Variants in GAP43 observed in about 807,000 individuals in gnomAD.
GAP43 encodes the protein neuromodulin.
In GAP43, 6 loss-of-function variants were observed where a neutral mutation model predicts 18.6. The observed-to-expected ratio is 0.32, with a 90% CI of 0.18 to 0.64. The LOEUF (loss-of-function observed/expected upper bound fraction) is 0.64, where lower values mean the gene tolerates loss of function less well. Ranked by LOEUF, GAP43 falls within the 30% of genes least tolerant of loss-of-function variation. The pLI, the probability that GAP43 is intolerant of heterozygous loss-of-function variation, is 0.78. For missense variants in GAP43, 292 were observed against 295.5 expected (o/e 0.99, Z 0.09); for synonymous variants, 115 against 111.4 (o/e 1.03, Z -0.20).
At chr3:115,630,225 C>A (rs1023762231) in intron 1 of GAP43, among the ~76,000 whole-genome samples, 1 of 152,086 alleles carries the variant, frequency 6.6e-6, no homozygotes, top group East Asian at 1.9e-4. Flanking sequence ...ATATTTTTTT[C>A]TTTAAATGCA....
rs531008522 is a variant in GAP43, at chr3:115,716,192, A to C, written c.629-4602A>C. ...GTAAGAAAATGTAGATATAAACTAA[A>C]CAGTCGACATTATTTATCACTGCAA... On this transcript the variant is annotated intron_variant, in intron 2 of 2. Transcript: ENST00000305124. 3.9e-5 allele frequency among the ~76,000 whole-genome samples: 6 copies of C among 152,306 alleles called. No homozygotes were observed. The East Asian group carries it at 1.2e-3, about 29-fold the overall frequency.
At chr3:115,679,107 C>T (rs974443780) in intron 2 of GAP43, among the ~76,000 whole-genome samples, 25 of 151,906 alleles carry the variant, frequency 1.6e-4, no homozygotes, top group African/African-American at 4.8e-4. Flanking sequence ...CTGTACTGTT[C>T]GGAAATGGGT....
intron 2 of GAP43, among the ~76,000 whole-genome samples, chr3:115,715,221 T>G (rs1157982776): frequency 6.6e-6 from 1 of 152,232 alleles, no homozygotes; most frequent in Non-Finnish European, 1.5e-5. Flanking sequence ...GTTTTTCCTG[T>G]AATGTCTTAA....
chr3:115,689,135 C>T (rs1015734610), intron 2 of GAP43, among the ~76,000 whole-genome samples: 3 of 152,218 alleles, frequency 2.0e-5, no homozygotes, highest in Non-Finnish European at 4.4e-5. Flanking sequence ...TTGAATGTCC[C>T]TTACTCAGAC....
At chr3:115,673,411 C>T (rs775899847) in intron 1 of GAP43, among the ~76,000 whole-genome samples, 1 of 152,156 alleles carries the variant, frequency 6.6e-6, no homozygotes, top group Non-Finnish European at 1.5e-5. Flanking sequence ...AAAATGTTAG[C>T]TTTCTTGAGT....
At chr3:115,626,955 T>C (rs1167050963) in intron 1 of GAP43, among the ~76,000 whole-genome samples, 2 of 151,894 alleles carry the variant, frequency 1.3e-5, no homozygotes, top group Non-Finnish European at 2.9e-5. Flanking sequence ...CTCCCAAATC[T>C]CTCTGAGCCA....
chr3:115,708,481 TG>T (rs1709392957), intron 2 of GAP43, among the ~76,000 whole-genome samples: 1 of 152,230 alleles, frequency 6.6e-6, no homozygotes, highest in Admixed American at 6.5e-5. Context: ...AGGGAATTCT[TG>T]TGCATATAAT....
At chr3:115,694,572 A>C (rs1003331064) in intron 2 of GAP43, among the ~76,000 whole-genome samples, 2 of 152,202 alleles carry the variant, frequency 1.3e-5, no homozygotes, top group African/African-American at 4.8e-5. Flanking sequence ...TTTAAGCTTC[A>C]CAATGATCCT....
chr3:115,708,306 G>A (rs1435010275), intron 2 of GAP43, among the ~76,000 whole-genome samples: 1 of 152,182 alleles, frequency 6.6e-6, no homozygotes, highest in Non-Finnish European at 1.5e-5. Context: ...AAATGTAGTT[G>A]AGCTGGGTCA....
At chr3:115,696,590 C>CCCCCA (rs1228543478) in intron 2 of GAP43, among the ~76,000 whole-genome samples, 2 of 129,146 alleles carry the variant, frequency 1.5e-5, no homozygotes, top group African/African-American at 6.0e-5. Flanking sequence ...CCCCCCCCCC[C>CCCCCA]ACAAACAGGT....
At chr3:115,655,668 G>A (rs1038859975) in intron 1 of GAP43, among the ~76,000 whole-genome samples, 2 of 152,104 alleles carry the variant, frequency 1.3e-5, no homozygotes, top group African/African-American at 2.4e-5. Context: ...CTTTGCATAA[G>A]ACCAATATAT....
intron 2 of GAP43, among the ~76,000 whole-genome samples, chr3:115,679,593 C>T (rs563971124): frequency 6.6e-6 from 1 of 152,284 alleles, no homozygotes; most frequent in African/African-American, 2.4e-5. Flanking sequence ...GAGTAGAGAA[C>T]TTTGAAGCCC....
intron 1 of GAP43, among the ~76,000 whole-genome samples, chr3:115,634,873 T>G (rs1708309123): frequency 6.6e-6 from 1 of 152,174 alleles, no homozygotes; most frequent in African/African-American, 2.4e-5. Context: ...GTAGCCCACT[T>G]TGGTTGTCCA....
rs538027125 is a variant in GAP43 at position 115,644,354 on chromosome 3, A to T, written c.30+20635A>T. Among the ~76,000 whole-genome samples the T allele has an allele frequency of 6.6e-5, 10 of 152,036 alleles. No homozygotes were observed. The highest frequency in any genetic ancestry group is 1.3e-4 in the Non-Finnish European group (9 of 67,960). The stretch of plus-strand genomic sequence containing the variant: ...CTGATAGTTTTTGGACAGGACTATC[A>T]GGGTGATGAATGGGTGAGAGTGGGA... On this transcript the variant is annotated intron_variant, in intron 1 of 2. Transcript: ENST00000305124. The surrounding 1 kb of genome is among the most constrained non-coding windows in gnomAD (Gnocchi z 4.2).
intron 2 of GAP43, among the ~76,000 whole-genome samples, chr3:115,686,565 T>C (rs1709036094): frequency 6.6e-6 from 1 of 152,172 alleles, no homozygotes; most frequent in African/African-American, 2.4e-5. Context: ...TATGAGGTTA[T>C]AATAAAATGG....
intron 1 of GAP43, among the ~76,000 whole-genome samples, chr3:115,630,739 G>T (rs1020243089): frequency 2.6e-5 from 4 of 152,122 alleles, no homozygotes; most frequent in Admixed American, 1.3e-4. Flanking sequence ...TTCTCCTCCT[G>T]TCAGACCCAG....
chr3:115,706,044 A>G (rs543943271), intron 2 of GAP43, among the ~76,000 whole-genome samples: 1 of 152,234 alleles, frequency 6.6e-6, no homozygotes, highest in African/African-American at 2.4e-5. Context: ...CCTATTTGAG[A>G]ACGCCCAGAA....
chr3:115,696,721 T>A (rs1485772684), intron 2 of GAP43, among the ~76,000 whole-genome samples: 1 of 151,978 alleles, frequency 6.6e-6, no homozygotes, highest in Non-Finnish European at 1.5e-5. Context: ...TATCACCTTC[T>A]CAAAGCAACT....
intron 1 of GAP43, among the ~76,000 whole-genome samples, chr3:115,634,645 C>CT (rs1196672783): frequency 1.3e-5 from 2 of 151,996 alleles, no homozygotes; most frequent in African/African-American, 4.8e-5. Flanking sequence ...TGGTACATAC[C>CT]TGTAGTCCCA....
Sources: allele counts gnomAD v4.1 joint callset (sites outside exome capture counted in the v4.1 genomes callset), GRCh38; gene constraint gnomAD v4.1.1; non-coding constraint Gnocchi (gnomAD v3.1); transcripts MANE v1.5; gene names NCBI Gene and HGNC (gene_info 2026-07-23, HGNC 2026-07-21).